Variants in CSMD1 observed in about 807,000 individuals in gnomAD.
The protein encoded by CSMD1 is CUB and Sushi multiple domains 1.
CSMD1 carries 213 observed loss-of-function variants against 417.5 expected under a neutral mutation model. The ratio of observed to expected loss-of-function variants is 0.51; its 90% CI spans 0.46 to 0.57. The LOEUF (loss-of-function observed/expected upper bound fraction) is 0.57. Among genes scored for constraint, CSMD1 ranks in the 20% least tolerant of loss-of-function variants. The pLI is 0.00. For missense variants in CSMD1, 6,923 were observed against 4,529.7 expected (o/e 1.53, Z -15.17); for synonymous variants, 2,862 against 1,736.8 (o/e 1.65, Z -16.11).
intron 2 of CSMD1, among the ~76,000 whole-genome samples, chr8:4,481,842 C>T (rs545031949): frequency 6.6e-6 from 1 of 152,228 alleles, no homozygotes; most frequent in South Asian, 2.1e-4. Flanking sequence ...GTAGGTACTC[C>T]ACCTACTTCT....
chr8:4,253,096 A>G (rs943736894), intron 3 of CSMD1, among the ~76,000 whole-genome samples: 2 of 152,212 alleles, frequency 1.3e-5, no homozygotes, highest in African/African-American at 4.8e-5. Flanking sequence ...TTCTGGCAAA[A>G]TCTAGGATTA....
intron 2 of CSMD1, among the ~76,000 whole-genome samples, chr8:4,473,211 G>A (rs376255808): frequency 8.1e-4 from 123 of 152,204 alleles, no homozygotes; most frequent in Non-Finnish European, 1.2e-3. Flanking sequence ...AATTATAAAT[G>A]ATTAAAAAGT....
intron 3 of CSMD1, among the ~76,000 whole-genome samples, chr8:4,108,892 G>C (rs961506422): frequency 1.3e-5 from 2 of 152,154 alleles, no homozygotes; most frequent in Admixed American, 1.3e-4. Flanking sequence ...AGTGGAAACA[G>C]CCAGAAATCA....
chr8:4,343,397 C>G (rs763874790), intron 3 of CSMD1, among the ~76,000 whole-genome samples: 6 of 151,886 alleles, frequency 4.0e-5, no homozygotes, highest in Non-Finnish European at 8.8e-5. Flanking sequence ...AGAGAGCTGA[C>G]CTTAAGTGTT....
intron 4 of CSMD1, among the ~76,000 whole-genome samples, chr8:4,029,021 G>A (rs1797207821): frequency 6.6e-6 from 1 of 152,176 alleles, no homozygotes; most frequent in Non-Finnish European, 1.5e-5. Flanking sequence ...GCACTTGGGA[G>A]AGGGCACTAA....
intron 2 of CSMD1, among the ~76,000 whole-genome samples, chr8:4,578,319 C>T (rs753154794): frequency 9.9e-4 from 121 of 122,480 alleles, no homozygotes; most frequent in South Asian, 1.3e-3. Flanking sequence ...GCACCTGCCA[C>T]GACACCCGGC....
chr8:3,493,634 C>A lies in CSMD1; in HGVS notation c.1437G>T (p.Ser479=), dbSNP rs377216628. The part of the protein sequence containing the change: ...GDAGKVGDTR[S]VLYVLTGSSV... ...AAGGACATACTCACACGTACAAGAC[C>A]GATCTGGTGTCTCCCACCTTCCCAG... The change falls in exon 11 of 70, where the codon TCG becomes TCT. Residue 479 remains serine (S), a synonymous_variant. Transcript: ENST00000635120. 2 of 1,609,626 alleles carry A rather than the reference C, an allele frequency of 1.2e-6. No homozygotes were observed. Among genetic ancestry groups the A allele is most frequent in the South Asian group, 2.2e-5 (2 of 89,774 alleles).
At chr8:4,743,409 T>C (rs1216012583) in intron 1 of CSMD1, among the ~76,000 whole-genome samples, 1 of 152,112 alleles carries the variant, frequency 6.6e-6, no homozygotes, top group South Asian at 2.1e-4. Flanking sequence ...GGGAGTGGTA[T>C]CTTCAAAGCA....
At chr8:4,455,320 T>C (rs1585105439) in intron 2 of CSMD1, among the ~76,000 whole-genome samples, 2 of 152,216 alleles carry the variant, frequency 1.3e-5, no homozygotes, top group African/African-American at 2.4e-5. Context: ...AAGAAGATGA[T>C]CACAAATCCA....
chr8:4,427,609 A>C (rs1797638892), intron 2 of CSMD1, among the ~76,000 whole-genome samples: 1 of 152,108 alleles, frequency 6.6e-6, no homozygotes, highest in African/African-American at 2.4e-5. Flanking sequence ...TCGAAGTAAA[A>C]ATTATTGTAA....
chr8:4,588,777 C>G (rs1799838361), intron 2 of CSMD1, among the ~76,000 whole-genome samples: 1 of 134,852 alleles, frequency 7.4e-6, no homozygotes, highest in Non-Finnish European at 1.5e-5. Flanking sequence ...GAGCAAGACT[C>G]CGACACACAC....
chr8:4,046,188 G>C (rs973322182), intron 3 of CSMD1, among the ~76,000 whole-genome samples: 16 of 152,012 alleles, frequency 1.1e-4, no homozygotes, highest in Admixed American at 7.9e-4. Context: ...GTGTATGTGT[G>C]CGTGTGTGTG....
intron 50 of CSMD1, among the ~76,000 whole-genome samples, chr8:3,048,491 A>C (rs1027310269): frequency 6.6e-6 from 1 of 152,154 alleles, no homozygotes; most frequent in African/African-American, 2.4e-5. Flanking sequence ...GAGTAAAGAT[A>C]ATCTTTTCAA....
intron 1 of CSMD1, among the ~76,000 whole-genome samples, chr8:4,641,904 G>C (rs948091001): frequency 6.6e-6 from 1 of 152,196 alleles, no homozygotes. Flanking sequence ...ATCACTCATA[G>C]TCTTATTACC....
At chr8:4,107,638 A>G (rs921199760) in intron 3 of CSMD1, among the ~76,000 whole-genome samples, 1 of 152,206 alleles carries the variant, frequency 6.6e-6, no homozygotes, top group Admixed American at 6.5e-5. Flanking sequence ...TACAATGAGC[A>G]CCACCGAAAG....
chr8:4,407,748 C>A (rs1483264238), intron 3 of CSMD1, among the ~76,000 whole-genome samples: 1 of 152,116 alleles, frequency 6.6e-6, no homozygotes, highest in Non-Finnish European at 1.5e-5. Context: ...GTAAGCATTC[C>A]TTTAAAAACA....
At chr8:3,688,155 A>G (rs926398080) in intron 7 of CSMD1, among the ~76,000 whole-genome samples, 3 of 152,226 alleles carry the variant, frequency 2.0e-5, no homozygotes, top group Non-Finnish European at 2.9e-5. Flanking sequence ...TTTAGACACA[A>G]TAAAAATACA....
At chr8:4,331,965 T>G (rs781614346) in intron 3 of CSMD1, among the ~76,000 whole-genome samples, 18 of 152,170 alleles carry the variant, frequency 1.2e-4, no homozygotes, top group Non-Finnish European at 2.2e-4. Flanking sequence ...TCATTTTCAT[T>G]TTTATGCAAA....
intron 4 of CSMD1, among the ~76,000 whole-genome samples, chr8:4,025,716 A>T (rs1283504119): frequency 6.6e-6 from 1 of 152,178 alleles, no homozygotes; most frequent in Non-Finnish European, 1.5e-5. Flanking sequence ...ACCTCTCAAG[A>T]AAAATGAATT....
Sources: gnomAD v4.1 joint callset for allele counts (sites outside exome capture counted in the v4.1 genomes callset) on GRCh38, gnomAD v4.1.1 for gene constraint, MANE v1.5 for transcripts, NCBI Gene and HGNC (gene_info 2026-07-23, HGNC 2026-07-21) for gene names.